Variants in TUBGCP4 observed in about 807,000 individuals in gnomAD.
TUBGCP4 encodes the protein tubulin gamma complex component 4.
Under a neutral mutation model 91.6 loss-of-function variants are expected in TUBGCP4, and 54 were observed. That is an observed-to-expected ratio of 0.59 (90% CI 0.47 to 0.74). The LOEUF is 0.74. Ranked by LOEUF, TUBGCP4 falls within the 30% of genes least tolerant of loss-of-function variation. The pLI is 0.00. For missense variants in TUBGCP4, 593 were observed against 800.9 expected (o/e 0.74, Z 3.13); for synonymous variants, 297 against 302.8 (o/e 0.98, Z 0.20).
intron 9 of TUBGCP4, among the ~76,000 whole-genome samples, chr15:43,390,744 A>G (rs775501367): frequency 6.6e-6 from 1 of 151,922 alleles, no homozygotes; most frequent in South Asian, 2.1e-4. Context: ...CCTGACCTCA[A>G]GTGATCCACC....
In TUBGCP4 at chr15:43,406,440, G is replaced by T; in HGVS notation, c.*1226G>T. The T allele has an allele frequency of 2.9e-6, 1 of 350,048 alleles. No homozygotes were observed. The highest frequency in any genetic ancestry group is 7.7e-5 in the East Asian group (1 of 13,052). The allele number at this position is 350,048 out of a possible 1,614,324, so 21.7% of individuals were successfully genotyped here. A position where few individuals can be genotyped will look rare whatever the true frequency, so the allele number is the denominator to read the frequency against. ...CTGGAGCAGGAGCTGGCAAACTATG[G>T]CCTGCTGTCTGTTTTTGTACAGTTT... is the stretch of plus-strand genomic sequence containing the variant. On this transcript the variant is annotated 3_prime_UTR_variant, in exon 18 of 18. Transcript: ENST00000564079.
chr15:43,402,701 C>T (rs1386294988), intron 15 of TUBGCP4: 3 of 152,186 alleles, frequency 2.0e-5, no homozygotes, highest in African/African-American at 7.2e-5. Flanking sequence ...AAATTAGAAT[C>T]CCTGTAATAG....
intron 9 of TUBGCP4, among the ~76,000 whole-genome samples, chr15:43,387,554 T>C (rs1355599520): frequency 6.6e-6 from 1 of 150,962 alleles, no homozygotes; most frequent in Admixed American, 6.6e-5. Flanking sequence ...CTCTGCCTCC[T>C]GGGTTCAAGC....
At chr15:43,386,072 A>G (rs779610772) in intron 8 of TUBGCP4, 116 bp downstream of exon 8, 31 of 1,521,774 alleles carry the variant, frequency 2.0e-5, no homozygotes, top group Non-Finnish European at 2.6e-5. Context: ...CTATCCTGAG[A>G]TTGTAGCAGA....
intron 12 of TUBGCP4, 127 bp downstream of exon 12, chr15:43,397,448 A>G (rs920412676): frequency 1.4e-6 from 1 of 717,216 alleles, no homozygotes; most frequent in African/African-American, 1.7e-5. Context: ...GTACAGTACT[A>G]TAATTCTATA....
rs966772644 is a variant in TUBGCP4 at position 43,383,807 on chromosome 15, G to T, written c.723+303G>T. Among the ~76,000 whole-genome samples the T allele has an allele frequency of 1.1e-3, 154 of 144,750 alleles. 3 individuals are homozygous for T. The highest frequency in any genetic ancestry group is 4.4e-4 in the South Asian group (2 of 4,506). The allele number at this position is 144,750 out of a possible 152,430, so 95.0% of individuals were successfully genotyped here. ...GATTTTAAATACAGTTTGGAGTTTT[G>T]TTTTTTTTTTTAAAGACAGATTCTC... On this transcript the variant is annotated intron_variant, in intron 7 of 17. Coordinates refer to ENST00000564079, the MANE Select transcript of TUBGCP4 (RefSeq NM_014444.5).
At chr15:43,381,610 T>G (rs2044286491) in intron 6 of TUBGCP4, among the ~76,000 whole-genome samples, 1 of 152,050 alleles carries the variant, frequency 6.6e-6, no homozygotes, top group Admixed American at 6.5e-5. Context: ...GGTGCCTGCC[T>G]GTAGTCCCAG....
At chr15:43,399,570 C>T (rs892273229) in intron 13 of TUBGCP4, among the ~76,000 whole-genome samples, 8 of 152,140 alleles carry the variant, frequency 5.3e-5, no homozygotes, top group Non-Finnish European at 8.8e-5. Context: ...GGTCTTGAAC[C>T]CCTGAGCTTA....
At position 43,409,338 on chromosome 15, in the gene TUBGCP4, C is replaced by G; in HGVS notation, c.*4124C>G. On this transcript the variant is annotated 3_prime_UTR_variant, in exon 18 of 18. Coordinates refer to ENST00000564079, the MANE Select transcript of TUBGCP4 (RefSeq NM_014444.5). The stretch of plus-strand genomic sequence containing the variant: ...TAAATCCTCAACGGACAACCAAAAC[C>G]TATGAACTCAGCCTTTCAGGCTAAA... The G allele has an allele frequency of 3.4e-6, 2 of 582,514 alleles. No homozygotes were observed. The highest frequency in any genetic ancestry group is 6.1e-6 in the Non-Finnish European group (2 of 327,606). The allele number at this position is 582,514 out of a possible 1,614,324, so 36.1% of individuals were successfully genotyped here.
In TUBGCP4 at chr15:43,386,252, C is replaced by T. The variant is rs760052885; in HGVS notation, c.936C>T (p.His312=). 1.2e-6 allele frequency: 2 copies of T among 1,606,148 alleles called. No homozygotes were observed. Among genetic ancestry groups the T allele is most frequent in the South Asian group, 2.2e-5 (2 of 90,698 alleles). Residue 312 remains histidine (H), a synonymous_variant, in exon 9 of 18, where the codon CAC becomes CAT. Transcript: ENST00000564079. The stretch of plus-strand genomic sequence containing the variant: ...AAGACACTTTTGCTGCAGAGCTGCA[C>T]CGTCTCAAGCAGCAGCCACTCTTCA... ...NQEDTFAAEL[H]RLKQQPLFSL...
chr15:43,375,516 G>T (rs188674370), intron 1 of TUBGCP4, among the ~76,000 whole-genome samples: 32 of 152,138 alleles, frequency 2.1e-4, no homozygotes, highest in Admixed American at 9.8e-4. Context: ...AGCATATTAG[G>T]CTATCATTTG....
intron 13 of TUBGCP4, chr15:43,399,031 C>T (rs2044626355): frequency 1.4e-6 from 1 of 695,154 alleles, no homozygotes; most frequent in Non-Finnish European, 2.0e-6. Context: ...CTCCAGTTAT[C>T]TAAAAATTAT....
rs1421754863 is a variant in TUBGCP4, at chr15:43,398,403, A to G, written c.1418+224A>G. The G allele has an allele frequency of 1.5e-5, 6 of 388,904 alleles. No homozygotes were observed. In the East Asian group the frequency reaches 2.1e-4, roughly 13 times the overall value. 24.1% of individuals were successfully genotyped at this position (388,904 alleles called of 1,614,324 possible). On this transcript the variant is annotated intron_variant, in intron 13 of 17. Coordinates refer to ENST00000564079, the MANE Select transcript of TUBGCP4 (RefSeq NM_014444.5). ...CTCATAAAAAAAAAAAAAAAAATTA[A>G]TGGGAGCAAGAGAGCCACCCAACTA...
chr15:43,405,772 G>C lies in TUBGCP4; in HGVS notation c.*558G>C. 6.5e-6 allele frequency: 1 copy of C among 152,746 alleles called. No individual in the cohort carries two copies. The highest frequency in any genetic ancestry group is 1.5e-5 in the Non-Finnish European group (1 of 68,506). 9.5% of individuals were successfully genotyped at this position (152,746 alleles called of 1,614,324 possible). On this transcript the variant is annotated 3_prime_UTR_variant, in exon 18 of 18. Coordinates refer to ENST00000564079, the MANE Select transcript of TUBGCP4 (RefSeq NM_014444.5). The stretch of plus-strand genomic sequence containing the variant: ...AGTATTTCTTAGGCCGGGCATGGTG[G>C]CTCACACCTGTAATCCCAGCACTTT...
intron 11 of TUBGCP4, among the ~76,000 whole-genome samples, chr15:43,396,027 C>G (rs546926620): frequency 2.8e-4 from 43 of 152,308 alleles, no homozygotes; most frequent in African/African-American, 1.0e-3. Context: ...ATGATGGAAA[C>G]TCACCCGAAC....
rs1181759701 is a variant in TUBGCP4 at position 43,403,767 on chromosome 15, C to T, written c.1816C>T (p.Arg606Cys). The T allele has an allele frequency of 3.1e-6, 5 of 1,613,910 alleles. No individual in the cohort carries two copies. Among genetic ancestry groups the T allele is most frequent in the East Asian group, 2.2e-5 (1 of 44,870 alleles). ...VSQNLGPLDE[R>C]GAAQLSILVK... is the part of the protein sequence containing the mutation. ...TCAGAACCTAGGCCCACTGGATGAGCGTGGAGCCGCCCAGCTGAGCATTCT... is the reference window on the plus strand; with the variant it reads ...TCAGAACCTAGGCCCACTGGATGAGTGTGGAGCCGCCCAGCTGAGCATTCT... The change falls in exon 16 of 18, where the codon CGT becomes TGT. Residue 606 changes from arginine to cysteine, a missense_variant. By Grantham distance (180) the Arg-to-Cys change is radical. Transcript: ENST00000564079.
rs1203400658 is a variant in TUBGCP4, at chr15:43,407,188, CAAA to C, written c.*1979_*1981del. ...TTGTCATTTGTTCTGAGATTAAGCT[CAAA>C]AAAACAGATGAAGAAATCCCAGTTA... is the stretch of plus-strand genomic sequence containing the variant. On this transcript the variant is annotated 3_prime_UTR_variant, in exon 18 of 18. Coordinates refer to ENST00000564079, the MANE Select transcript of TUBGCP4 (RefSeq NM_014444.5). 2 of 570,954 alleles carry C rather than the reference CAAA, an allele frequency of 3.5e-6. No homozygotes were observed. Among genetic ancestry groups the C allele is most frequent in the Non-Finnish European group, 3.1e-6 (1 of 324,376 alleles). 35.4% of individuals were successfully genotyped at this position (570,954 alleles called of 1,614,324 possible).
At chr15:43,398,246 G>A in intron 13 of TUBGCP4, 67 bp downstream of exon 13, 1 of 1,557,782 alleles carries the variant, frequency 6.4e-7, no homozygotes, top group Non-Finnish European at 8.8e-7. Flanking sequence ...GAAACTAGCA[G>A]GAACAGAATT....
chr15:43,377,355 GTACACACCTCT>G (rs1828515455), intron 4 of TUBGCP4, among the ~76,000 whole-genome samples: 1 of 152,134 alleles, frequency 6.6e-6, no homozygotes, highest in Admixed American at 6.5e-5. Context: ...GGGCATGGTG[GTACACACCTCT>G]AATCCCAGCA....
Sources: allele counts gnomAD v4.1 joint callset (sites outside exome capture counted in the v4.1 genomes callset), GRCh38; gene constraint gnomAD v4.1.1; transcripts MANE v1.5; gene names NCBI Gene and HGNC (gene_info 2026-07-23, HGNC 2026-07-21).